CA11: variants seen among roughly 807,000 people sequenced by gnomAD.
CA11 encodes the protein carbonic anhydrase 11 (inactive).
CA11 carries 20 observed loss-of-function variants against 39.3 expected under a neutral mutation model. The ratio of observed to expected loss-of-function variants is 0.51; its 90% CI spans 0.36 to 0.74. The LOEUF (loss-of-function observed/expected upper bound fraction) is 0.74. Ranked by LOEUF, CA11 falls within the 30% of genes least tolerant of loss-of-function variation. The probability of loss-of-function intolerance (pLI) is 0.00; values close to 1 mark genes in which losing one functional copy is unlikely to be tolerated. For synonymous variants in CA11, 166 were observed against 172.5 expected (o/e 0.96, Z 0.29); for missense variants, 336 against 424.6 (o/e 0.79, Z 1.83).
At chr19:48,645,307 C>T in intron 2 of CA11, 96 bp downstream of exon 2, 1 of 1,105,174 alleles carries the variant, frequency 9.0e-7, no homozygotes, top group Non-Finnish European at 1.3e-6. Flanking sequence ...GACTCCTGGT[C>T]CTGGGGGGGA....
Position 48,639,028 on chromosome 19 carries a change from T to A in CA11, c.821A>T (p.Gln274Leu), listed in dbSNP as rs1489455962. Residue 274 changes from glutamine (Q) to leucine (L), a missense_variant, in exon 8 of 9, where the codon CAG becomes CTG. Coordinates refer to ENST00000084798, the MANE Select transcript of CA11 (RefSeq NM_001217.5). ...LQMHSLRLLS[Q>L]NPPSQIFQSL... Reference sequence around the variant, plus strand: ...CTGGAAGATCTGAGATGGAGGATTCTGGCTCAGGAGTCTCAGGGAGTGCAT... The same window carrying A: ...CTGGAAGATCTGAGATGGAGGATTCAGGCTCAGGAGTCTCAGGGAGTGCAT... 6.2e-7 allele frequency: 1 copy of A among 1,613,830 alleles called. No homozygotes were observed. Among genetic ancestry groups the A allele is most frequent in the Non-Finnish European group, 8.5e-7 (1 of 1,179,940 alleles).
In CA11 at chr19:48,639,555, A is replaced by G; in HGVS notation, c.634T>C (p.Tyr212His). 4.3e-6 allele frequency: 7 copies of G among 1,613,850 alleles called. No homozygotes were observed. The highest frequency in any genetic ancestry group is 1.1e-5 in the South Asian group (1 of 91,078). The change falls in exon 6 of 9, where the codon TAC becomes CAC. Residue 212 changes from tyrosine to histidine, a missense_variant. Tyr to His is a moderately conservative substitution (Grantham distance 83). Transcript: ENST00000084798. ...CAGCACGCCAGGGACTTACTCTTGT[A>G]GGAGATGCGAGTGATGGTGTCGCGG... ...LNRDTITRIS[Y>H]KNDAYFLQDL...
chr19:48,640,068 G>A (rs1299332804), intron 4 of CA11, 27 bp downstream of exon 4: 1 of 1,604,498 alleles, frequency 6.2e-7, no homozygotes, highest in Non-Finnish European at 8.5e-7. Context: ...GGCGGAGGGT[G>A]GCGGGTAAAC....
intron 3 of CA11, among the ~76,000 whole-genome samples, chr19:48,641,022 G>A (rs1464586219): frequency 1.4e-5 from 2 of 141,926 alleles, no homozygotes; most frequent in African/African-American, 2.6e-5. Context: ...CTCTGCTGCC[G>A]AGGCTGGAGT....
At chr19:48,638,535 T>TA (rs773102096) in intron 8 of CA11, 34 of 348,636 alleles carry the variant, frequency 9.8e-5, no homozygotes, top group Non-Finnish European at 1.5e-4. Context: ...CGTAAGGTAG[T>TA]ACGACTTGGA....
At position 48,640,279 on chromosome 19, in the gene CA11, A is replaced by C; in HGVS notation, c.287T>G (p.Leu96Arg). 1.9e-6 allele frequency: 3 copies of C among 1,588,248 alleles called. No homozygotes were observed. The highest frequency in any genetic ancestry group is 2.6e-6 in the Non-Finnish European group (3 of 1,164,296). Reference protein sequence around the residue: ...PLRLSTGGEKLRGTLYNTGRH... With the variant: ...PLRLSTGGEKRRGTLYNTGRH... ...GCCGGTGTTGTACAAGGTTCCCCGG[A>C]GCTGTGGGAGAGGCGGGAGCTGTCA... Residue 96 changes from leucine to arginine, a missense_variant and splice_region_variant, in exon 4 of 9, where the codon CTC (leucine) becomes CGC (arginine). Transcript: ENST00000084798.
rs975366205 is a variant in CA11, at chr19:48,638,097, G to A, written c.*22C>T. Reference sequence around the variant, plus strand: ...TTGTGGGGAGGCTTAGGACGGGCGGGTGCAATCCTCGAAGGGGAGTCTCAG... The same window carrying A: ...TTGTGGGGAGGCTTAGGACGGGCGGATGCAATCCTCGAAGGGGAGTCTCAG... On this transcript the variant is annotated 3_prime_UTR_variant, in exon 9 of 9. Transcript: ENST00000084798. 1.4e-6 allele frequency: 2 copies of A among 1,452,946 alleles called. No individual in the cohort carries two copies. Among genetic ancestry groups the A allele is most frequent in the Non-Finnish European group, 1.8e-6 (2 of 1,101,676 alleles). 90.0% of individuals were successfully genotyped at this position (1,452,946 alleles called of 1,614,324 possible). A position where few individuals can be genotyped will look rare whatever the true frequency, so the allele number is the denominator to read the frequency against.
At chr19:48,644,888 C>T (rs894112848) in intron 2 of CA11, among the ~76,000 whole-genome samples, 8 of 152,152 alleles carry the variant, frequency 5.3e-5, no homozygotes, top group Non-Finnish European at 1.0e-4. Context: ...AGCCACCGCG[C>T]CCAGCCGATC....
chr19:48,638,965 G>A lies in CA11; in HGVS notation c.884C>T (p.Ala295Val), dbSNP rs1382233466. 1.2e-6 allele frequency: 2 copies of A among 1,613,428 alleles called. No homozygotes were observed. Among genetic ancestry groups the A allele is most frequent in the Non-Finnish European group, 8.5e-7 (1 of 1,179,812 alleles). The change falls in exon 8 of 9, where the codon GCC becomes GTC. Residue 295 changes from alanine (A) to valine (V), a missense_variant. Ala to Val is a moderately conservative substitution (Grantham distance 64). Coordinates refer to ENST00000084798, the MANE Select transcript of CA11 (RefSeq NM_001217.5). ...CCTGTTGCCCCTCAGTGCCCTGTGG[G>A]CCAAGGGCTGCAGGGGCCGGCTGTT... ...SGNSRPLQPL[A>V]HRALRGNRDP...
Position 48,640,116 on chromosome 19 carries a change from G to A in CA11, c.450C>T (p.Asn150=), listed in dbSNP as rs2031021477. Residue 150 remains asparagine (N), a synonymous_variant, in exon 4 of 9, where the codon AAC becomes AAT. Transcript: ENST00000084798. ...CTACCTCAGCAGAGAAGCCCTGGTG[G>A]TTGATCTGATGTTCCGAGCCGGCTC... ...RDGAGSEHQI[N]HQGFSAEVQL... is the part of the protein sequence containing the mutation. The A allele has an allele frequency of 6.2e-7, 1 of 1,613,844 alleles. No individual in the cohort carries two copies. The highest frequency in any genetic ancestry group is 2.2e-5 in the East Asian group (1 of 44,866).
At chr19:48,640,760 C>T (rs565096318) in intron 3 of CA11, among the ~76,000 whole-genome samples, 1 of 151,552 alleles carries the variant, frequency 6.6e-6, no homozygotes, top group Admixed American at 6.6e-5. Flanking sequence ...CTGCAAGCTC[C>T]GCCTCCCGGG....
chr19:48,638,086 A>C lies in CA11; in HGVS notation c.*33T>G. 7.0e-7 allele frequency: 1 copy of C among 1,423,338 alleles called. No homozygotes were observed. The highest frequency in any genetic ancestry group is 9.3e-7 in the Non-Finnish European group (1 of 1,080,370). The allele number at this position is 1,423,338 out of a possible 1,614,324, so 88.2% of individuals were successfully genotyped here. Reference sequence around the variant, plus strand: ...CTCCCCTCGCCTTGTGGGGAGGCTTAGGACGGGCGGGTGCAATCCTCGAAG... The same window carrying C: ...CTCCCCTCGCCTTGTGGGGAGGCTTCGGACGGGCGGGTGCAATCCTCGAAG... On this transcript the variant is annotated 3_prime_UTR_variant, in exon 9 of 9. Coordinates refer to ENST00000084798, the MANE Select transcript of CA11 (RefSeq NM_001217.5).
chr19:48,640,123 T>G lies in CA11; in HGVS notation c.443A>C (p.Gln148Pro). 1 of 1,613,862 alleles carries G rather than the reference T, an allele frequency of 6.2e-7. No homozygotes were observed. Among genetic ancestry groups the G allele is most frequent in the East Asian group, 2.2e-5 (1 of 44,872 alleles). The change falls in exon 4 of 9, where the codon CAG (glutamine) becomes CCG (proline). Residue 148 changes from glutamine to proline, a missense_variant. Transcript: ENST00000084798. The part of the protein sequence containing the change: ...GARDGAGSEH[Q>P]INHQGFSAEV... The stretch of plus-strand genomic sequence containing the variant: ...AGCAGAGAAGCCCTGGTGGTTGATC[T>G]GATGTTCCGAGCCGGCTCCGTCGCG...
rs11673580 is a variant in CA11, at chr19:48,645,520, C to T, written c.68-43G>A. 4,267 of 1,597,446 alleles carry T rather than the reference C, an allele frequency of 2.7e-3. 15 individuals are homozygous for T. The highest frequency in any genetic ancestry group is 7.5e-3 in the Middle Eastern group (45 of 6,038). On this transcript the variant is annotated intron_variant, in intron 1 of 8. Coordinates refer to ENST00000084798, the MANE Select transcript of CA11 (RefSeq NM_001217.5). ...TGAATCCCTCTCCTTGGCATCCCCA[C>T]CTCCACCCTCCCTCGGGGGCTCCTC...
chr19:48,641,823 CTTTTT>C (rs71179023), intron 3 of CA11, among the ~76,000 whole-genome samples: 8 of 92,290 alleles, frequency 8.7e-5, no homozygotes, highest in African/African-American at 2.8e-4. Context: ...TTTCAATTTT[CTTTTT>C]TTTTTTTTTT....
rs576680652 is a variant in CA11 at position 48,643,224 on chromosome 19, T to G, written c.285+1203A>C. On this transcript the variant is annotated intron_variant, in intron 3 of 8. Coordinates refer to ENST00000084798, the MANE Select transcript of CA11 (RefSeq NM_001217.5). The surrounding 1 kb of genome is among the most constrained non-coding windows in gnomAD (Gnocchi z 4.3). Reference sequence around the variant, plus strand: ...TCCCTCTCTCTCTGTATTTATTTCTTTCTGAGATGGAGTCTTGTTCTGTCA... The same window carrying G: ...TCCCTCTCTCTCTGTATTTATTTCTGTCTGAGATGGAGTCTTGTTCTGTCA... 1.8e-4 allele frequency among the ~76,000 whole-genome samples: 28 copies of G among 152,208 alleles called. No homozygotes were observed. The highest frequency in any genetic ancestry group is 6.3e-4 in the African/African-American group (26 of 41,524).
Position 48,638,101 on chromosome 19 carries a change from A to G in CA11, c.*18T>C. 7.0e-7 allele frequency: 1 copy of G among 1,430,396 alleles called. No individual in the cohort carries two copies. Among genetic ancestry groups the G allele is most frequent in the East Asian group, 2.8e-5 (1 of 35,132 alleles). The allele number at this position is 1,430,396 out of a possible 1,614,324, so 88.6% of individuals were successfully genotyped here. On this transcript the variant is annotated 3_prime_UTR_variant, in exon 9 of 9. Transcript: ENST00000084798. The stretch of plus-strand genomic sequence containing the variant: ...GGGGAGGCTTAGGACGGGCGGGTGC[A>G]ATCCTCGAAGGGGAGTCTCAGCGAC...
intron 8 of CA11, chr19:48,638,366 G>T: frequency 3.0e-6 from 1 of 330,062 alleles, no homozygotes; most frequent in South Asian, 1.4e-4. Flanking sequence ...ACTACTTGAA[G>T]GTCTTCATGG....
Position 48,639,448 on chromosome 19 carries a change from A to C in CA11, c.652T>G (p.Phe218Val). ...AGCTCCAGGCTCAGGTCTTGAAGAAAGTAGGCATCATCTGCGGGAATATCA... is the reference window on the plus strand; with the variant it reads ...AGCTCCAGGCTCAGGTCTTGAAGAACGTAGGCATCATCTGCGGGAATATCA... The part of the protein sequence containing the change: ...TRISYKNDAY[F>V]LQDLSLELLF... The change falls in exon 7 of 9, where the codon TTT becomes GTT. Residue 218 changes from phenylalanine (F) to valine (V), a missense_variant. Transcript: ENST00000084798. 1 of 1,613,944 alleles carries C rather than the reference A, an allele frequency of 6.2e-7. No individual in the cohort carries two copies. Among genetic ancestry groups the C allele is most frequent in the Admixed American group, 1.7e-5 (1 of 60,010 alleles).
Sources: gnomAD v4.1 joint callset for allele counts (sites outside exome capture counted in the v4.1 genomes callset) on GRCh38, gnomAD v4.1.1 for gene constraint, Gnocchi (gnomAD v3.1) non-coding constraint, MANE v1.5 for transcripts, NCBI Gene and HGNC (gene_info 2026-07-23, HGNC 2026-07-21) for gene names.